Variants in KLF13 observed in about 807,000 individuals in gnomAD.
KLF13 encodes the protein Krueppel-like factor 13.
A neutral mutation model predicts 16.7 loss-of-function variants in KLF13; 8 were observed. The observed-to-expected ratio is 0.48, with a 90% CI of 0.28 to 0.87. The LOEUF (loss-of-function observed/expected upper bound fraction) is 0.87, where lower values mean the gene tolerates loss of function less well. Ranked by LOEUF, KLF13 falls within the 40% of genes least tolerant of loss-of-function variation. The pLI is 0.10. For missense variants in KLF13, 447 were observed against 452.2 expected, an observed-to-expected ratio of 0.99 and a Z score of 0.10; for synonymous variants, 245 against 208.4, an observed-to-expected ratio of 1.18 and a Z score of -1.51.
chr15:31,391,671 C>G (rs1332032976), upstream of KLF13, among the ~76,000 whole-genome samples: 1 of 143,722 alleles, frequency 7.0e-6, no homozygotes, highest in Non-Finnish European at 1.5e-5. Flanking sequence ...CGAAACGGCT[C>G]TAGGTGCACT....
upstream of KLF13, among the ~76,000 whole-genome samples, chr15:31,391,485 G>T (rs2039867253): frequency 1.3e-5 from 2 of 151,870 alleles, no homozygotes; most frequent in Admixed American, 6.5e-5. Context: ...AGTGGAGTCT[G>T]CTCGCCGCAT....
At chr15:31,406,881 T>A (rs561212893), downstream of KLF13, among the ~76,000 whole-genome samples, 1 of 152,316 alleles carries the variant, frequency 6.6e-6, no homozygotes, top group Admixed American at 6.5e-5. Flanking sequence ...TCACATCATC[T>A]TCTCTGACTT....
At chr15:31,395,007 T>G (rs1184299313) in intron 2 of KLF13, among the ~76,000 whole-genome samples, 1 of 152,018 alleles carries the variant, frequency 6.6e-6, no homozygotes, top group Non-Finnish European at 1.5e-5. Flanking sequence ...TTAGAGGGAG[T>G]CTCCCTCTGT....
chr15:31,346,941 A>T (rs2039132254), intron 1 of KLF13, among the ~76,000 whole-genome samples: 1 of 152,116 alleles, frequency 6.6e-6, no homozygotes. Flanking sequence ...GGGGCAGCGT[A>T]GGGTCCTGAG....
chr15:31,414,573 C>A (rs1453980612), intron 1 of KLF13, among the ~76,000 whole-genome samples: 1 of 152,120 alleles, frequency 6.6e-6, no homozygotes, highest in Non-Finnish European at 1.5e-5. Context: ...GCTGGAGAGC[C>A]TACAGTAATA....
chr15:31,371,796 G>A (rs987782573), intron 1 of KLF13, among the ~76,000 whole-genome samples: 2 of 152,238 alleles, frequency 1.3e-5, no homozygotes, highest in African/African-American at 4.8e-5. Flanking sequence ...TTTATCCTAG[G>A]CCGTGTCCTC....
chr15:31,337,866 G>C (rs2038956739), intron 1 of KLF13, among the ~76,000 whole-genome samples: 1 of 152,222 alleles, frequency 6.6e-6, no homozygotes, highest in Non-Finnish European at 1.5e-5. Flanking sequence ...GGGTAAGCCT[G>C]AGGGGCTTTG....
At chr15:31,400,573 C>G (rs996394745) in intron 2 of KLF13, among the ~76,000 whole-genome samples, 2 of 152,122 alleles carry the variant, frequency 1.3e-5, no homozygotes, top group Admixed American at 6.5e-5. Flanking sequence ...GGGGCTGGAG[C>G]AGAACAGGGA....
chr15:31,329,345 G>A (rs1483770951), intron 1 of KLF13, among the ~76,000 whole-genome samples: 1 of 152,056 alleles, frequency 6.6e-6, no homozygotes, highest in Admixed American at 6.5e-5. Context: ...GCAGCGATTG[G>A]GGCGTGGCTG....
At chr15:31,343,326 C>T (rs929780246) in intron 1 of KLF13, among the ~76,000 whole-genome samples, 1 of 152,252 alleles carries the variant, frequency 6.6e-6, no homozygotes, top group African/African-American at 2.4e-5. Flanking sequence ...GGATTTCAGA[C>T]TTGCCCCCAG....
At chr15:31,381,394 G>T (rs928645745), downstream of KLF13, among the ~76,000 whole-genome samples, 3 of 152,108 alleles carry the variant, frequency 2.0e-5, no homozygotes, top group African/African-American at 7.2e-5. Context: ...TCCTTGGCTT[G>T]TGGCCTCCTC....
intron 1 of KLF13, among the ~76,000 whole-genome samples, chr15:31,361,686 GC>G (rs1258138368): frequency 6.6e-6 from 1 of 152,128 alleles, no homozygotes; most frequent in Non-Finnish European, 1.5e-5. Flanking sequence ...TAGAGAGCCG[GC>G]TGGGAGCACG....
At chr15:31,343,458 G>A (rs976353982) in intron 1 of KLF13, among the ~76,000 whole-genome samples, 4 of 152,344 alleles carry the variant, frequency 2.6e-5, no homozygotes, top group Middle Eastern at 3.4e-3. Context: ...GTGGGAAGGA[G>A]ACCAGCCTTC....
intron 2 of KLF13, among the ~76,000 whole-genome samples, chr15:31,402,510 G>A (rs1380065761): frequency 6.6e-6 from 1 of 152,252 alleles, no homozygotes; most frequent in Non-Finnish European, 1.5e-5. Flanking sequence ...TCAATGTGGA[G>A]AAGACACTCA....
downstream of KLF13, among the ~76,000 whole-genome samples, chr15:31,404,930 G>A (rs1009637396): frequency 3.9e-5 from 6 of 152,138 alleles, no homozygotes; most frequent in Admixed American, 6.5e-5. Context: ...GAGAACAGTG[G>A]GGGGAGCTCT....
At chr15:31,423,064 A>G (rs927744344) in intron 1 of KLF13, among the ~76,000 whole-genome samples, 2 of 67,046 alleles carry the variant, frequency 3.0e-5, no homozygotes, top group Admixed American at 3.1e-4. Flanking sequence ...TCAATTTTCC[A>G]GTCATATAAC....
intron 1 of KLF13, among the ~76,000 whole-genome samples, chr15:31,387,473 T>G (rs1208090396): frequency 2.0e-5 from 3 of 152,246 alleles, no homozygotes; most frequent in African/African-American, 7.2e-5. Flanking sequence ...TATTGCACAC[T>G]TAATAGGCTA....
downstream of KLF13, among the ~76,000 whole-genome samples, chr15:31,405,853 C>G (rs1384215205): frequency 6.6e-6 from 1 of 152,052 alleles, no homozygotes; most frequent in Non-Finnish European, 1.5e-5. Flanking sequence ...AGTCACAAGA[C>G]AGAAGGACGA....
chr15:31,410,258 G>T (rs1274280363), intron 1 of KLF13, among the ~76,000 whole-genome samples: 1 of 151,600 alleles, frequency 6.6e-6, no homozygotes, highest in Non-Finnish European at 1.5e-5. Flanking sequence ...AAATAATAAG[G>T]CAATAATGGG....
Sources: allele counts gnomAD v4.1 joint callset (sites outside exome capture counted in the v4.1 genomes callset), GRCh38; gene constraint gnomAD v4.1.1; transcripts MANE v1.5; gene names NCBI Gene and HGNC (gene_info 2026-07-23, HGNC 2026-07-21).